MNAT1: variants seen among roughly 807,000 people sequenced by gnomAD.
MNAT1 encodes the protein CDK-activating kinase assembly factor MAT1.
In MNAT1, 43 loss-of-function variants were observed where a neutral mutation model predicts 42.0. The ratio of observed to expected loss-of-function variants is 1.02; its 90% CI spans 0.80 to 1.32. The LOEUF (loss-of-function observed/expected upper bound fraction) is 1.32, where lower values mean the gene tolerates loss of function less well. Ranked by LOEUF, MNAT1 falls within the 40% of genes most tolerant of loss-of-function variation. The pLI is 0.00. For missense variants in MNAT1, 306 were observed against 350.4 expected (o/e 0.87, Z 1.01); for synonymous variants, 118 against 120.0 (o/e 0.98, Z 0.11).
intron 6 of MNAT1, among the ~76,000 whole-genome samples, chr14:60,835,461 G>C (rs1175874836): frequency 6.6e-6 from 1 of 152,118 alleles, no homozygotes; most frequent in African/African-American, 2.4e-5. Flanking sequence ...CTCAGCATTT[G>C]CTTCTCTGTA....
At chr14:60,862,374 GTTTA>G (rs973899459) in intron 6 of MNAT1, among the ~76,000 whole-genome samples, 36 of 152,298 alleles carry the variant, frequency 2.4e-4, no homozygotes, top group African/African-American at 8.4e-4. Flanking sequence ...GAGAAAATCT[GTTTA>G]TTTAAGAGCT....
intron 6 of MNAT1, among the ~76,000 whole-genome samples, chr14:60,853,022 T>C (rs907609455): frequency 6.6e-6 from 1 of 152,174 alleles, no homozygotes; most frequent in Non-Finnish European, 1.5e-5. Context: ...TTGTCTTGGC[T>C]ATACAGGCTC....
At chr14:60,913,848 C>T (rs2035447427) in intron 7 of MNAT1, among the ~76,000 whole-genome samples, 1 of 152,212 alleles carries the variant, frequency 6.6e-6, no homozygotes, top group African/African-American at 2.4e-5. Context: ...CTACTCTCTT[C>T]AAAGCTGTCA....
chr14:60,905,646 C>T (rs748722631), intron 7 of MNAT1, among the ~76,000 whole-genome samples: 58 of 152,248 alleles, frequency 3.8e-4, no homozygotes, highest in Middle Eastern at 3.4e-3. Context: ...GGAGACTTAG[C>T]GGGGGTGGAG....
chr14:60,891,089 C>A (rs1035993937), intron 7 of MNAT1, among the ~76,000 whole-genome samples: 1 of 152,174 alleles, frequency 6.6e-6, no homozygotes, highest in Non-Finnish European at 1.5e-5. Flanking sequence ...CTCATATAAT[C>A]CTATAATCCT....
At chr14:60,791,751 T>C (rs1258977115) in intron 1 of MNAT1, among the ~76,000 whole-genome samples, 1 of 152,154 alleles carries the variant, frequency 6.6e-6, no homozygotes, top group African/African-American at 2.4e-5. Context: ...TCAAAAGTTA[T>C]TCATTTTGAG....
At chr14:60,816,547 G>A (rs147941939) in intron 5 of MNAT1, among the ~76,000 whole-genome samples, 134 of 152,108 alleles carry the variant, frequency 8.8e-4, no homozygotes, top group African/African-American at 3.0e-3. Context: ...CTTTTAATGA[G>A]TATTACAGGC....
chr14:60,918,198 CTTTTTTTTTTTTTTT>C (rs386381525), intron 7 of MNAT1, among the ~76,000 whole-genome samples: 3 of 48,598 alleles, frequency 6.2e-5, no homozygotes, highest in South Asian at 1.5e-3. Flanking sequence ...ATTAATTGTT[CTTTTTTTTTTTTTTT>C]TTTTTTTTTT....
rs1269299716 is a variant in MNAT1 at position 60,814,713 on chromosome 14, TTAGA to T, written c.561+2591_561+2594del. The stretch of plus-strand genomic sequence containing the variant: ...ATAAGGGTAAGGGCATTCATGAGGC[TTAGA>T]TAGAAAACACTGTCATAAAACTCTA... On this transcript the variant is annotated intron_variant, in intron 5 of 7. Transcript: ENST00000261245. 2.0e-5 allele frequency among the ~76,000 whole-genome samples: 3 copies of T among 152,242 alleles called. No individual in the cohort carries two copies. The East Asian group carries it at 5.8e-4, about 29-fold the overall frequency.
intron 7 of MNAT1, among the ~76,000 whole-genome samples, chr14:60,924,408 C>T (rs1282276893): frequency 6.9e-6 from 1 of 145,972 alleles, no homozygotes; most frequent in Non-Finnish European, 1.5e-5. Flanking sequence ...AAAAACTGTA[C>T]TCCATGCCTT....
At chr14:60,947,645 T>C (rs1271279425) in intron 7 of MNAT1, among the ~76,000 whole-genome samples, 1 of 152,174 alleles carries the variant, frequency 6.6e-6, no homozygotes, top group Non-Finnish European at 1.5e-5. Flanking sequence ...ATTGTGCCAC[T>C]GCACTCCAGC....
intron 7 of MNAT1, among the ~76,000 whole-genome samples, chr14:60,937,054 C>T (rs575519997): frequency 9.2e-5 from 14 of 151,554 alleles, no homozygotes; most frequent in Non-Finnish European, 1.5e-4. Flanking sequence ...ATATCCTTCA[C>T]CCACTTGTTG....
intron 7 of MNAT1, among the ~76,000 whole-genome samples, chr14:60,893,366 G>A (rs1250165829): frequency 6.6e-6 from 1 of 151,822 alleles, no homozygotes; most frequent in Non-Finnish European, 1.5e-5. Context: ...GATCCTTTAA[G>A]TTATTAATCA....
At chr14:60,939,145 A>G (rs1318138927) in intron 7 of MNAT1, among the ~76,000 whole-genome samples, 2 of 152,014 alleles carry the variant, frequency 1.3e-5, no homozygotes, top group Non-Finnish European at 1.5e-5. Flanking sequence ...TAGTCTTGCT[A>G]GCGGTCTATC....
At chr14:60,904,167 G>A (rs1169459505) in intron 7 of MNAT1, among the ~76,000 whole-genome samples, 3 of 152,088 alleles carry the variant, frequency 2.0e-5, no homozygotes, top group African/African-American at 4.8e-5. Context: ...CACTGTGCCC[G>A]ACCTTAAGTT....
intron 6 of MNAT1, among the ~76,000 whole-genome samples, chr14:60,848,215 G>T (rs1313372519): frequency 6.6e-6 from 1 of 152,134 alleles, no homozygotes; most frequent in Non-Finnish European, 1.5e-5. Context: ...TTAGCCGTTT[G>T]AATATATCGT....
rs563460586 is a variant in MNAT1 at position 60,786,438 on chromosome 14, G to T, written c.90-9779G>T. Among the ~76,000 whole-genome samples the T allele has an allele frequency of 5.4e-4, 82 of 152,120 alleles. No homozygotes were observed. In the South Asian group the frequency reaches 5.8e-3, roughly 11 times the overall value. On this transcript the variant is annotated intron_variant, in intron 1 of 7. Transcript: ENST00000261245. ...CTTTTATTGGTCACATGTAACAGTG[G>T]TTCTCAGACTTTTTGGTGTTAGTAA...
intron 1 of MNAT1, among the ~76,000 whole-genome samples, chr14:60,786,266 A>G (rs1341643611): frequency 6.6e-6 from 1 of 151,420 alleles, no homozygotes; most frequent in East Asian, 1.9e-4. Context: ...TAAGAAGTGA[A>G]GAGAGAGCTA....
intron 3 of MNAT1, among the ~76,000 whole-genome samples, chr14:60,800,328 T>C (rs2032162016): frequency 6.6e-6 from 1 of 152,058 alleles, no homozygotes; most frequent in Middle Eastern, 3.2e-3. Flanking sequence ...GCAAGAGGAT[T>C]GCTTGAGCCC....
Sources: gnomAD v4.1 joint callset for allele counts (sites outside exome capture counted in the v4.1 genomes callset) on GRCh38, gnomAD v4.1.1 for gene constraint, MANE v1.5 for transcripts, NCBI Gene and HGNC (gene_info 2026-07-23, HGNC 2026-07-21) for gene names.